The following CMTM4 variants were observed in gnomAD, a reference collection of about 807,000 sequenced individuals.
CMTM4 encodes the protein CKLF like MARVEL transmembrane domain containing 4, also known as CKLF-like MARVEL transmembrane domain-containing protein 4.
A neutral mutation model predicts 19.0 loss-of-function variants in CMTM4; 8 were observed. The ratio of observed to expected loss-of-function variants is 0.42; its 90% confidence interval spans 0.25 to 0.76. The LOEUF is 0.76. CMTM4 is among the 30% of genes least tolerant of loss of function. The pLI is 0.27. For missense variants in CMTM4, 228 were observed against 290.2 expected (o/e 0.79, Z 1.56); for synonymous variants, 106 against 121.1 (o/e 0.88, Z 0.82).
At chr16:66,667,099 CG>C (rs1187084261) in intron 1 of CMTM4, among the ~76,000 whole-genome samples, 2 of 152,132 alleles carry the variant, frequency 1.3e-5, no homozygotes, top group African/African-American at 4.8e-5. Context: ...CCGAGGCAGG[CG>C]GATCACCTGA....
At chr16:66,643,145 T>A (rs1162448874) in intron 1 of CMTM4, among the ~76,000 whole-genome samples, 1 of 152,138 alleles carries the variant, frequency 6.6e-6, no homozygotes, top group Non-Finnish European at 1.5e-5. Context: ...GGTCTCAAAC[T>A]CCTGACCTCA....
Position 66,621,650 on chromosome 16 carries a change from A to C in CMTM4, c.*408T>G. On this transcript the variant is annotated 3_prime_UTR_variant, in exon 4 of 4. Coordinates refer to ENST00000394106, the MANE Select transcript of CMTM4 (RefSeq NM_181521.3). ...ACTGACTTGGAGCAGGTGGTGCCTAAGGCTGCCTGAGAACCACTGCCGACT... is the reference window on the plus strand; with the variant it reads ...ACTGACTTGGAGCAGGTGGTGCCTACGGCTGCCTGAGAACCACTGCCGACT... 1 of 1,012,738 alleles carries C rather than the reference A, an allele frequency of 9.9e-7. No individual in the cohort carries two copies. The highest frequency in any genetic ancestry group is 1.2e-6 in the Non-Finnish European group (1 of 844,698). The allele number at this position is 1,012,738 out of a possible 1,614,324, so 62.7% of individuals were successfully genotyped here. A position where few individuals can be genotyped will look rare whatever the true frequency, so the allele number is the denominator to read the frequency against.
At chr16:66,607,848 G>A in the CMTM4 span, among the ~76,000 whole-genome samples, 1 of 146,862 alleles carries the variant, frequency 6.8e-6, no homozygotes, top group Non-Finnish European at 1.5e-5. Context: ...TTTTTTTTTT[G>A]TAGGGGCGGG....
intron 2 of CMTM4, among the ~76,000 whole-genome samples, chr16:66,624,095 G>A (rs1326824693): frequency 6.6e-6 from 1 of 152,192 alleles, no homozygotes; most frequent in East Asian, 1.9e-4. Context: ...GCAGGGTAAT[G>A]AAAGGTCACA....
the CMTM4 span, among the ~76,000 whole-genome samples, chr16:66,599,925 T>A: frequency 6.6e-6 from 1 of 152,124 alleles, no homozygotes; most frequent in African/African-American, 2.4e-5. Flanking sequence ...TCAGTAGACA[T>A]GCAGTAGTAT....
chr16:66,603,434 C>A, the CMTM4 span, among the ~76,000 whole-genome samples: 1 of 151,878 alleles, frequency 6.6e-6, no homozygotes, highest in Non-Finnish European at 1.5e-5. Flanking sequence ...ATTATAGGCA[C>A]GGTGCCACCA....
At chr16:66,680,540 C>T (rs1471184090) in intron 1 of CMTM4, among the ~76,000 whole-genome samples, 158 of 151,382 alleles carry the variant, frequency 1.0e-3, no homozygotes, top group Non-Finnish European at 6.6e-4. Context: ...TTCGGGAGGC[C>T]AAGGCGGGCA....
chr16:66,643,513 T>A (rs949082230), intron 1 of CMTM4, among the ~76,000 whole-genome samples: 2 of 152,184 alleles, frequency 1.3e-5, no homozygotes, highest in Non-Finnish European at 2.9e-5. Flanking sequence ...CTGTGGGAAA[T>A]TCTTCAGATC....
At chr16:66,683,181 GTA>G (rs1555502520) in intron 1 of CMTM4, among the ~76,000 whole-genome samples, 91 of 124,354 alleles carry the variant, frequency 7.3e-4, no homozygotes, top group South Asian at 4.0e-3. Context: ...ATATACATAT[GTA>G]TATATATATA....
At chr16:66,649,200 T>A (rs1288251746) in intron 1 of CMTM4, among the ~76,000 whole-genome samples, 1 of 152,122 alleles carries the variant, frequency 6.6e-6, no homozygotes, top group Non-Finnish European at 1.5e-5. Flanking sequence ...GTCCCAGCAA[T>A]AGCGTGAGAC....
Position 66,661,023 on chromosome 16 carries a change from C to T in CMTM4, c.187-24442G>A, listed in dbSNP as rs376245928. ...CCAACAGGGCATGAACAGGCATCTACGAAACAGTCATTAAACCATGTCCAC... is the reference window on the plus strand; with the variant it reads ...CCAACAGGGCATGAACAGGCATCTATGAAACAGTCATTAAACCATGTCCAC... On this transcript the variant is annotated intron_variant, in intron 1 of 3. Transcript: ENST00000394106. Among the ~76,000 whole-genome samples the T allele has an allele frequency of 8.5e-5, 13 of 152,240 alleles. No homozygotes were observed. The East Asian group carries it at 1.7e-3, about 20-fold the overall frequency.
intron 2 of CMTM4, among the ~76,000 whole-genome samples, chr16:66,630,856 C>T (rs370570179): frequency 6.7e-6 from 1 of 150,122 alleles, no homozygotes; most frequent in Non-Finnish European, 1.5e-5. Context: ...AAGTGAGGAG[C>T]GTCTCTGCCC....
At chr16:66,671,811 T>C (rs1365411846) in intron 1 of CMTM4, among the ~76,000 whole-genome samples, 1 of 151,924 alleles carries the variant, frequency 6.6e-6, no homozygotes, top group Non-Finnish European at 1.5e-5. Context: ...ATTTCAAATA[T>C]ATAATCTCCA....
chr16:66,600,227 C>T, the CMTM4 span, among the ~76,000 whole-genome samples: 1 of 150,482 alleles, frequency 6.6e-6, no homozygotes, highest in African/African-American at 2.5e-5. Context: ...ACTGCAACCT[C>T]AGCCTCCCAG....
intron 1 of CMTM4, among the ~76,000 whole-genome samples, chr16:66,682,666 C>T (rs1338522807): frequency 6.6e-6 from 1 of 152,162 alleles, no homozygotes; most frequent in Non-Finnish European, 1.5e-5. Flanking sequence ...CTAGCCTTCA[C>T]TGAAGATCGC....
the CMTM4 span, chr16:66,608,552 T>C: frequency 1.5e-6 from 2 of 1,360,368 alleles, no homozygotes; most frequent in East Asian, 2.3e-5. This position sits in a 1 kb window ranked among gnomAD's most constrained non-coding sequence, Gnocchi z 5.1. Context: ...GCCCTTATCC[T>C]TTCTCTAGTG....
At chr16:66,667,672 G>A (rs4558410) in intron 1 of CMTM4, among the ~76,000 whole-genome samples, 1 of 152,146 alleles carries the variant, frequency 6.6e-6, no homozygotes, top group Non-Finnish European at 1.5e-5. Flanking sequence ...GGCAGATCAC[G>A]AGGTCAGAAG....
At chr16:66,606,025 C>A in the CMTM4 span, among the ~76,000 whole-genome samples, 3 of 152,064 alleles carry the variant, frequency 2.0e-5, no homozygotes, top group Admixed American at 6.5e-5. Context: ...TGGCTTGAAC[C>A]CCCCCATCCC....
chr16:66,663,650 C>G (rs1393488109), intron 1 of CMTM4, among the ~76,000 whole-genome samples: 1 of 140,618 alleles, frequency 7.1e-6, no homozygotes, highest in East Asian at 2.3e-4. Flanking sequence ...TCAAGCGATT[C>G]TCCTGCCTCA....
Sources: allele counts gnomAD v4.1 joint callset (sites outside exome capture counted in the v4.1 genomes callset), GRCh38; gene constraint gnomAD v4.1.1; non-coding constraint Gnocchi (gnomAD v3.1); transcripts MANE v1.5; gene names NCBI Gene and HGNC (gene_info 2026-07-23, HGNC 2026-07-21).